Variants in CCDC40 observed in about 807,000 individuals in gnomAD.
The protein encoded by CCDC40 is coiled-coil domain-containing protein 40.
Under a neutral mutation model 124.5 loss-of-function variants are expected in CCDC40, and 104 were observed. The ratio of observed to expected loss-of-function variants is 0.84; its 90% CI spans 0.71 to 0.98. CCDC40 has a LOEUF of 0.98. Among genes scored for constraint, CCDC40 ranks in the 50% least tolerant of loss-of-function variants. The pLI is 0.00. For missense variants in CCDC40, 1,463 were observed against 1,503.9 expected, an observed-to-expected ratio of 0.97 and a Z score of 0.45; for synonymous variants, 580 against 602.9, an observed-to-expected ratio of 0.96 and a Z score of 0.56.
chr17:80,040,569 C>A (rs1040580954), intron 3 of CCDC40: 9 of 395,938 alleles, frequency 2.3e-5, no homozygotes, highest in Non-Finnish European at 3.7e-5. Context: ...ATCCCAGCTA[C>A]TCAGGAGGCT....
chr17:80,045,768 C>T (rs1238232681), intron 3 of CCDC40, among the ~76,000 whole-genome samples: 2 of 151,366 alleles, frequency 1.3e-5, no homozygotes, highest in Non-Finnish European at 2.9e-5. Context: ...AAGGGGAGGG[C>T]TTCTCATAAC....
chr17:80,092,776 C>T (rs900841448), intron 17 of CCDC40, among the ~76,000 whole-genome samples: 3 of 151,988 alleles, frequency 2.0e-5, no homozygotes, highest in African/African-American at 7.3e-5. Context: ...GCACCCACCC[C>T]TCAGTCTGTT....
chr17:80,052,798 A>G (rs770722525), intron 7 of CCDC40, among the ~76,000 whole-genome samples: 1 of 152,064 alleles, frequency 6.6e-6, no homozygotes, highest in Non-Finnish European at 1.5e-5. Context: ...AAATATAATC[A>G]TCATCCCAGA....
chr17:80,098,584 G>A (rs1264751068), intron 19 of CCDC40, among the ~76,000 whole-genome samples: 1 of 152,184 alleles, frequency 6.6e-6, no homozygotes, highest in African/African-American at 2.4e-5. Flanking sequence ...TTCTGGCCTG[G>A]CCAACTGAGA....
chr17:80,067,868 AG>A, intron 10 of CCDC40: 1 of 1,392,770 alleles, frequency 7.2e-7, no homozygotes, highest in Non-Finnish European at 9.3e-7. Flanking sequence ...TGAAGAAAAT[AG>A]ATAATCTTGT....
At chr17:80,060,962 G>T (rs978991815) in intron 9 of CCDC40, among the ~76,000 whole-genome samples, 1 of 152,224 alleles carries the variant, frequency 6.6e-6, no homozygotes, top group Non-Finnish European at 1.5e-5. Flanking sequence ...GGGAAAATGT[G>T]CCAGACGAAA....
Position 80,090,214 on chromosome 17 carries a change from A to T in CCDC40, c.2832+330A>T. 9.1e-6 allele frequency: 7 copies of T among 768,962 alleles called. 1 individual carries two copies. Among genetic ancestry groups the T allele is most frequent in the South Asian group, 4.6e-5 (2 of 43,290 alleles). 47.6% of individuals were successfully genotyped at this position (768,962 alleles called of 1,614,324 possible). On this transcript the variant is annotated intron_variant, in intron 17 of 19. Transcript: ENST00000397545. ...CGGGACGCACGCAGGCACGTGCACG[A>T]AGAACACGGGACGCGCGCAGGCACG...
rs200771375 is a variant in CCDC40, at chr17:80,087,975, C to T, written c.2620-36C>T. On this transcript the variant is annotated intron_variant, in intron 15 of 19. Coordinates refer to ENST00000397545, the MANE Select transcript of CCDC40 (RefSeq NM_017950.4). This position sits in a 1 kb window ranked among gnomAD's most constrained non-coding sequence, Gnocchi z 4.5. The stretch of plus-strand genomic sequence containing the variant: ...GCCCCGGCATCCACAATCCCATGGC[C>T]CTCCCCACAGCTGTCCCGCCCCCTC... 3 of 1,499,370 alleles carry T rather than the reference C, an allele frequency of 2.0e-6. No homozygotes were observed. The highest frequency in any genetic ancestry group is 2.8e-6 in the Non-Finnish European group (3 of 1,075,768). The allele number at this position is 1,499,370 out of a possible 1,614,324, so 92.9% of individuals were successfully genotyped here. A position where few individuals can be genotyped will look rare whatever the true frequency, so the allele number is the denominator to read the frequency against.
At position 80,047,289 on chromosome 17, in the gene CCDC40, C is replaced by T. The variant is rs778795118; in HGVS notation, c.563C>T (p.Thr188Ile). The T allele has an allele frequency of 1.2e-6, 2 of 1,613,978 alleles. No individual in the cohort carries two copies. The highest frequency in any genetic ancestry group is 1.7e-5 in the Admixed American group (1 of 60,028). The change falls in exon 4 of 20, where the codon ACA (threonine) becomes ATA (isoleucine). Residue 188 changes from threonine to isoleucine, a missense_variant. Thr to Ile is a moderately conservative substitution (Grantham distance 89, BLOSUM62 -1). Coordinates refer to ENST00000397545, the MANE Select transcript of CCDC40 (RefSeq NM_017950.4). ...GPAVGRLTGS[T>I]EEPQGQVLPM... ...TTGTTCTTGCCATAGACAGGATCCACAGAGGAGCCCCAGGGGCAGGTGCTC... is the reference window on the plus strand; with the variant it reads ...TTGTTCTTGCCATAGACAGGATCCATAGAGGAGCCCCAGGGGCAGGTGCTC...
At chr17:80,084,672 G>C (rs2038536477) in intron 12 of CCDC40, 71 bp from the exon 13 acceptor site, 1 of 1,584,172 alleles carries the variant, frequency 6.3e-7, no homozygotes, top group Non-Finnish European at 8.6e-7. Flanking sequence ...TCAGGGAACG[G>C]TGGATCAGCA....
chr17:80,066,393 A>G lies in CCDC40; in HGVS notation c.1562+787A>G, dbSNP rs950979753. 3 of 551,904 alleles carry G rather than the reference A, an allele frequency of 5.4e-6. No homozygotes were observed. In the African/African-American group the frequency reaches 5.7e-5, roughly 11 times the overall value. The allele number at this position is 551,904 out of a possible 1,614,324, so 34.2% of individuals were successfully genotyped here. A position where few individuals can be genotyped will look rare whatever the true frequency, so the allele number is the denominator to read the frequency against. On this transcript the variant is annotated intron_variant, in intron 10 of 19. Transcript: ENST00000397545. This position sits in a 1 kb window ranked among gnomAD's most constrained non-coding sequence, Gnocchi z 4.4. ...TTTTGGGTGCTGTGATTAAAGAAAC[A>G]AAATGAAACCATTTTGTTTTTAAAA... is the stretch of plus-strand genomic sequence containing the variant.
chr17:80,048,895 T>G (rs1169183486), intron 5 of CCDC40, 134 bp downstream of exon 5: 1 of 833,608 alleles, frequency 1.2e-6, no homozygotes. Flanking sequence ...ACTGCACCGT[T>G]TATTGGCACT....
chr17:80,046,410 G>C (rs772769765), intron 3 of CCDC40, among the ~76,000 whole-genome samples: 1 of 152,044 alleles, frequency 6.6e-6, no homozygotes, highest in Non-Finnish European at 1.5e-5. Flanking sequence ...GTGTGCACCT[G>C]TAATCCCAGC....
rs767501166 is a variant in CCDC40 at position 80,089,767 on chromosome 17, C to A, written c.2715C>A (p.His905Gln). 2.5e-6 allele frequency: 4 copies of A among 1,614,212 alleles called. No homozygotes were observed. The highest frequency in any genetic ancestry group is 1.3e-5 in the African/African-American group (1 of 75,066). ...ACTGCCTCTCCTACCTCTAAAGACA[C>A]CAGATTATGCTTTGGGAGAAAAAAA... ...TLLNQLVEAEHQIMLWEKKIQ... is the reference protein window; with the variant it reads ...TLLNQLVEAEQQIMLWEKKIQ... Residue 905 changes from histidine (H) to glutamine (Q), a missense_variant, in exon 17 of 20, where the codon CAC (histidine) becomes CAA (glutamine). Coordinates refer to ENST00000397545, the MANE Select transcript of CCDC40 (RefSeq NM_017950.4).
chr17:80,078,310 A>C (rs1293839832), intron 10 of CCDC40, among the ~76,000 whole-genome samples: 1 of 150,414 alleles, frequency 6.6e-6, no homozygotes, highest in East Asian at 1.9e-4. Flanking sequence ...CAGCCTGGGC[A>C]ACAGAGCGAG....
At chr17:80,068,924 G>A (rs543676283) in intron 10 of CCDC40, among the ~76,000 whole-genome samples, 99 of 152,366 alleles carry the variant, frequency 6.5e-4, no homozygotes, top group African/African-American at 2.2e-3. Flanking sequence ...TCAGGGACCG[G>A]CTAGAGGGCG....
In CCDC40 at chr17:80,065,560, A is replaced by C. The variant is rs375904127; in HGVS notation, c.1516A>C (p.Met506Leu). Residue 506 changes from methionine (M) to leucine (L), a missense_variant, in exon 10 of 20, where the codon ATG becomes CTG. Met to Leu is a conservative substitution (Grantham distance 15, BLOSUM62 2). Transcript: ENST00000397545. The stretch of plus-strand genomic sequence containing the variant: ...GCAATGGGCCAGCAGCCTGGTGGGC[A>C]TGAAGCACCGCGACGAGGCGCACAG... ...MQQWASSLVG[M>L]KHRDEAHRAV... 2.5e-6 allele frequency: 4 copies of C among 1,612,860 alleles called. No individual in the cohort carries two copies. The African/African-American group carries it at 5.3e-5, about 22-fold the overall frequency.
intron 3 of CCDC40, among the ~76,000 whole-genome samples, chr17:80,042,260 A>G (rs1031758026): frequency 2.6e-5 from 4 of 152,132 alleles, no homozygotes; most frequent in African/African-American, 9.7e-5. Flanking sequence ...CTGGGACTAC[A>G]GGCACACACC....
At chr17:80,037,688 A>AAAAAAAATATATATATATATATAT in intron 1 of CCDC40, among the ~76,000 whole-genome samples, 8 of 45,672 alleles carry the variant, frequency 1.8e-4, no homozygotes, top group African/African-American at 4.7e-4. Context: ...TTTTTTAAAA[A>AAAAAAAATATATATATATATATAT]AGATATACAT....
Sources: allele counts gnomAD v4.1 joint callset (sites outside exome capture counted in the v4.1 genomes callset), GRCh38; gene constraint gnomAD v4.1.1; non-coding constraint Gnocchi (gnomAD v3.1); transcripts MANE v1.5; gene names NCBI Gene and HGNC (gene_info 2026-07-23, HGNC 2026-07-21).